Variants in NADK observed in about 807,000 individuals in gnomAD.
The protein encoded by NADK is poly(P)/ATP NAD kinase.
Under a neutral mutation model 49.8 loss-of-function variants are expected in NADK, and 22 were observed. The observed-to-expected ratio is 0.44, with a 90% CI of 0.32 to 0.63. The LOEUF is 0.63. Among genes scored for constraint, NADK ranks in the 30% least tolerant of loss-of-function variants. NADK has a pLI of 0.06. For synonymous variants in NADK, 268 were observed against 253.7 expected (o/e 1.06, Z -0.54); for missense variants, 438 against 609.4 (o/e 0.72, Z 2.96).
intron 3 of NADK, chr1:1,759,928 G>A (rs892429125): frequency 7.7e-6 from 12 of 1,549,912 alleles, no homozygotes; most frequent in South Asian, 3.6e-5. Context: ...AGTGCAGGGA[G>A]GGCACCAGGC....
At position 1,772,671 on chromosome 1, in the gene NADK, G is replaced by A. The variant is rs535069672; in HGVS notation, c.-41+5618C>T. 2.6e-5 allele frequency among the ~76,000 whole-genome samples: 4 copies of A among 151,974 alleles called. No individual in the cohort carries two copies. The East Asian group carries it at 5.9e-4, about 22-fold the overall frequency. The stretch of plus-strand genomic sequence containing the variant: ...GTAAAACTGGTGAAACCTGAATAAG[G>A]TCTATAGTTTAGTTAGCAGTATTTC... On this transcript the variant is annotated intron_variant, in intron 1 of 11. Coordinates refer to ENST00000341426, the MANE Select transcript of NADK (RefSeq NM_023018.5).
At chr1:1,756,225 C>T (rs754905178) in intron 6 of NADK, 33 bp downstream of exon 6, 81 of 1,593,440 alleles carry the variant, frequency 5.1e-5, no homozygotes, top group Non-Finnish European at 6.8e-5. Flanking sequence ...TAGACTAGAA[C>T]CTGGTGTGGG....
chr1:1,775,692 C>T (rs1027906434), intron 1 of NADK, among the ~76,000 whole-genome samples: 1 of 152,212 alleles, frequency 6.6e-6, no homozygotes, highest in Non-Finnish European at 1.5e-5. Flanking sequence ...TTCAGTTGCA[C>T]AAAGTGTGCG....
In NADK at chr1:1,752,813, G is replaced by C. The variant is rs972696858; in HGVS notation, c.*91C>G. 3.4e-6 allele frequency: 5 copies of C among 1,464,324 alleles called. No homozygotes were observed. The East Asian group carries it at 9.3e-5, about 27-fold the overall frequency. 90.7% of individuals were successfully genotyped at this position (1,464,324 alleles called of 1,614,324 possible). A position where few individuals can be genotyped will look rare whatever the true frequency, so the allele number is the denominator to read the frequency against. ...AGAAAGGAAGTGGCCGTGCCACTGA[G>C]ACAGGCGGTCACAGACACACGCAGA... On this transcript the variant is annotated 3_prime_UTR_variant, in exon 12 of 12. Transcript: ENST00000341426.
chr1:1,754,759 A>C lies in NADK; in HGVS notation c.689-61T>G. The C allele has an allele frequency of 1.3e-6, 2 of 1,507,414 alleles. No homozygotes were observed. Among genetic ancestry groups the C allele is most frequent in the East Asian group, 2.3e-5 (1 of 43,836 alleles). The allele number at this position is 1,507,414 out of a possible 1,614,324, so 93.4% of individuals were successfully genotyped here. On this transcript the variant is annotated intron_variant, in intron 7 of 11. Transcript: ENST00000341426. This position sits in a 1 kb window ranked among gnomAD's most constrained non-coding sequence, Gnocchi z 4.3. ...GGAAGTCAGTGGGGTCAGGGGCCCC[A>C]CCCCAGGGAGGCCAGTGGGAGTCAG... is the stretch of plus-strand genomic sequence containing the variant.
intron 3 of NADK, chr1:1,759,378 G>T (rs1318910479): frequency 7.8e-7 from 1 of 1,276,662 alleles, no homozygotes; most frequent in African/African-American, 1.5e-5. Context: ...GTGGCGTGAA[G>T]CCAGCATGGC....
chr1:1,754,403 G>A lies in NADK; in HGVS notation c.844-20C>T, dbSNP rs1164013261. Reference sequence around the variant, plus strand: ...CAGGACCTGGAGGGGCGACAGCATTGCACACTCAGGGCGGGGGATGCCGCA... The same window carrying A: ...CAGGACCTGGAGGGGCGACAGCATTACACACTCAGGGCGGGGGATGCCGCA... On this transcript the variant is annotated intron_variant, in intron 8 of 11. Coordinates refer to ENST00000341426, the MANE Select transcript of NADK (RefSeq NM_023018.5). The surrounding 1 kb of genome is among the most constrained non-coding windows in gnomAD (Gnocchi z 4.3). 6 of 1,612,110 alleles carry A rather than the reference G, an allele frequency of 3.7e-6. No individual in the cohort carries two copies. In the South Asian group the frequency reaches 6.6e-5, roughly 18 times the overall value.
intron 3 of NADK, among the ~76,000 whole-genome samples, chr1:1,761,026 T>C (rs1645705797): frequency 6.6e-6 from 1 of 152,222 alleles, no homozygotes. Context: ...TGAGTCTTGC[T>C]CTGTCGCCCA....
intron 2 of NADK, 87 bp from the exon 3 acceptor site, chr1:1,762,122 A>G: frequency 1.8e-6 from 2 of 1,133,176 alleles, no homozygotes; most frequent in Non-Finnish European, 2.6e-6. Flanking sequence ...GTTACACGGT[A>G]AGGCATACAT....
intron 3 of NADK, chr1:1,759,003 C>T (rs1054581016): frequency 1.2e-5 from 17 of 1,389,068 alleles, no homozygotes; most frequent in Middle Eastern, 2.2e-4. Context: ...GGCCCAAGGG[C>T]GTGCAGGTGG....
chr1:1,765,471 T>A, intron 1 of NADK, 25 bp from the exon 2 acceptor site: 1 of 1,029,954 alleles, frequency 9.7e-7, no homozygotes, highest in South Asian at 2.2e-5. Context: ...ATAAATAATG[T>A]AAATAAAGTA....
intron 1 of NADK, among the ~76,000 whole-genome samples, chr1:1,766,619 G>A (rs145275132): frequency 5.7e-4 from 86 of 151,632 alleles, no homozygotes; most frequent in Admixed American, 4.3e-3. Flanking sequence ...TTACCAAACT[G>A]ACCAATATTA....
chr1:1,756,450 T>C, intron 5 of NADK, 53 bp downstream of exon 5: 2 of 1,612,492 alleles, frequency 1.2e-6, no homozygotes, highest in Non-Finnish European at 1.7e-6. Flanking sequence ...AAGCTTCCAA[T>C]GGGGCGGGGA....
At position 1,755,359 on chromosome 1, in the gene NADK, A is replaced by T; in HGVS notation, c.688+15T>A. The T allele has an allele frequency of 6.3e-7, 1 of 1,595,810 alleles. No individual in the cohort carries two copies. Among genetic ancestry groups the T allele is most frequent in the Non-Finnish European group, 8.6e-7 (1 of 1,163,430 alleles). On this transcript the variant is annotated intron_variant, in intron 7 of 11. Coordinates refer to ENST00000341426, the MANE Select transcript of NADK (RefSeq NM_023018.5). ...TGATCAGAGCTCCTGTGGGCTCCAG[A>T]ACATTCCAACTCACCCTCTATCACC...
In NADK at chr1:1,765,447, C is replaced by A; in HGVS notation, c.-40-1G>T. Reference sequence around the variant, plus strand: ...ACTTCGGTCAGAAAAACACTGATGCCTTAATTTAATAAAATAAATAATGTA... The same window carrying A: ...ACTTCGGTCAGAAAAACACTGATGCATTAATTTAATAAAATAAATAATGTA... On this transcript the variant is annotated splice_acceptor_variant, in intron 1 of 11. Coordinates refer to ENST00000341426, the MANE Select transcript of NADK (RefSeq NM_023018.5). LOFTEE classifies it low-confidence loss of function (5UTR_SPLICE). The A allele has an allele frequency of 1.5e-6, 2 of 1,340,070 alleles. No individual in the cohort carries two copies. The highest frequency in any genetic ancestry group is 2.0e-6 in the Non-Finnish European group (2 of 983,076). 83.0% of individuals were successfully genotyped at this position (1,340,070 alleles called of 1,614,324 possible).
chr1:1,755,362 A>G lies in NADK; in HGVS notation c.688+12T>C. 1 of 1,600,592 alleles carries G rather than the reference A, an allele frequency of 6.2e-7. No individual in the cohort carries two copies. The highest frequency in any genetic ancestry group is 8.6e-7 in the Non-Finnish European group (1 of 1,167,762). Reference sequence around the variant, plus strand: ...TCAGAGCTCCTGTGGGCTCCAGAACATTCCAACTCACCCTCTATCACCTGA... The same window carrying G: ...TCAGAGCTCCTGTGGGCTCCAGAACGTTCCAACTCACCCTCTATCACCTGA... On this transcript the variant is annotated intron_variant, in intron 7 of 11. Transcript: ENST00000341426.
intron 5 of NADK, 65 bp from the exon 6 acceptor site, chr1:1,756,408 G>A (rs898734954): frequency 2.4e-5 from 38 of 1,605,650 alleles, no homozygotes; most frequent in Non-Finnish European, 3.0e-5. Context: ...GGCGCAGTGC[G>A]CAGACACCAA....
intron 3 of NADK, among the ~76,000 whole-genome samples, chr1:1,761,276 C>T (rs1037653390): frequency 6.6e-6 from 1 of 152,180 alleles, no homozygotes; most frequent in Non-Finnish European, 1.5e-5. Context: ...CAGGTGTGAG[C>T]CACCGCAGCT....
rs1367236836 is a variant in NADK at position 1,752,742 on chromosome 1, A to C, written c.*162T>G. ...AAAAAAAGTCAGACATTTTAAAAAAACAGCTGATCTGGACAAAAGGCAGAC... is the reference window on the plus strand; with the variant it reads ...AAAAAAAGTCAGACATTTTAAAAAACCAGCTGATCTGGACAAAAGGCAGAC... On this transcript the variant is annotated 3_prime_UTR_variant, in exon 12 of 12. Coordinates refer to ENST00000341426, the MANE Select transcript of NADK (RefSeq NM_023018.5). The C allele has an allele frequency of 6.4e-6, 5 of 780,642 alleles. No individual in the cohort carries two copies. The highest frequency in any genetic ancestry group is 1.8e-5 in the African/African-American group (1 of 57,070). The allele number at this position is 780,642 out of a possible 1,614,324, so 48.4% of individuals were successfully genotyped here.
Sources: gnomAD v4.1 joint callset for allele counts (sites outside exome capture counted in the v4.1 genomes callset) on GRCh38, gnomAD v4.1.1 for gene constraint, Gnocchi (gnomAD v3.1) non-coding constraint, MANE v1.5 for transcripts, NCBI Gene and HGNC (gene_info 2026-07-23, HGNC 2026-07-21) for gene names.